The following SCHIP1 variants were observed in gnomAD, a reference collection of about 807,000 sequenced individuals.
The protein encoded by SCHIP1 is schwannomin-interacting protein 1.
A neutral mutation model predicts 29.7 loss-of-function variants in SCHIP1; 8 were observed. The observed-to-expected ratio is 0.27, with a 90% CI of 0.16 to 0.49. The LOEUF (loss-of-function observed/expected upper bound fraction) is 0.49. SCHIP1 is among the 20% of genes least tolerant of loss of function. SCHIP1 has a pLI of 0.99. For synonymous variants in SCHIP1, 76 were observed against 94.9 expected, an observed-to-expected ratio of 0.80 and a Z score of 1.16; for missense variants, 193 against 294.6, an observed-to-expected ratio of 0.66 and a Z score of 2.52.
At chr3:159,483,997 A>C in the SCHIP1 span, among the ~76,000 whole-genome samples, 1 of 152,206 alleles carries the variant, frequency 6.6e-6, no homozygotes, top group Non-Finnish European at 1.5e-5. Context: ...TCAAAAGCCT[A>C]CAATATAAAT....
the SCHIP1 span, among the ~76,000 whole-genome samples, chr3:159,397,284 G>C: frequency 6.6e-6 from 1 of 152,038 alleles, no homozygotes; most frequent in Non-Finnish European, 1.5e-5. Flanking sequence ...CTGTAGCTCA[G>C]AGTAATTTGA....
chr3:159,455,715 T>C, the SCHIP1 span, among the ~76,000 whole-genome samples: 1 of 152,212 alleles, frequency 6.6e-6, no homozygotes, highest in African/African-American at 2.4e-5. Flanking sequence ...AGAGTCTATT[T>C]TACTATCACA....
chr3:159,432,892 G>C, the SCHIP1 span, among the ~76,000 whole-genome samples: 1 of 152,256 alleles, frequency 6.6e-6, no homozygotes, highest in Admixed American at 6.5e-5. Context: ...CTTTGATGTA[G>C]TATGTTGCAG....
At chr3:159,625,031 C>A in the SCHIP1 span, among the ~76,000 whole-genome samples, 1 of 152,170 alleles carries the variant, frequency 6.6e-6, no homozygotes, top group Non-Finnish European at 1.5e-5. Context: ...TTAGAGAAAA[C>A]AAGAACATGA....
At chr3:159,654,120 C>T in the SCHIP1 span, among the ~76,000 whole-genome samples, 1 of 152,116 alleles carries the variant, frequency 6.6e-6, no homozygotes, top group African/African-American at 2.4e-5. Context: ...AAGATATTCA[C>T]ATGCAAATCG....
chr3:159,665,060 G>A, the SCHIP1 span, among the ~76,000 whole-genome samples: 14 of 152,172 alleles, frequency 9.2e-5, no homozygotes, highest in African/African-American at 3.1e-4. Flanking sequence ...TCACCGGGGG[G>A]ACTTTGAATA....
chr3:159,604,868 C>G, the SCHIP1 span, among the ~76,000 whole-genome samples: 1 of 152,204 alleles, frequency 6.6e-6, no homozygotes, highest in African/African-American at 2.4e-5. Flanking sequence ...AGACACAGCC[C>G]AAGAAACTAA....
chr3:159,778,682 T>C, the SCHIP1 span, among the ~76,000 whole-genome samples: 1 of 152,176 alleles, frequency 6.6e-6, no homozygotes. Context: ...GCATGAAATT[T>C]AAGTAAACAT....
At chr3:159,460,085 A>G in the SCHIP1 span, among the ~76,000 whole-genome samples, 1 of 152,156 alleles carries the variant, frequency 6.6e-6, no homozygotes, top group Admixed American at 6.5e-5. Flanking sequence ...AACTCTTACC[A>G]TCACCCTTTG....
the SCHIP1 span, among the ~76,000 whole-genome samples, chr3:159,626,147 GATATAT>G: frequency 1.2e-5 from 1 of 82,646 alleles, no homozygotes; most frequent in Admixed American, 1.2e-4. Context: ...GATATATCTA[GATATAT>G]ATATATATCT....
chr3:159,893,104 C>T (rs1328951013), intron 6 of SCHIP1: 1 of 152,160 alleles, frequency 6.6e-6, no homozygotes, highest in African/African-American at 2.4e-5. Flanking sequence ...CAGCACCTAC[C>T]ATAGACCTCA....
the SCHIP1 span, among the ~76,000 whole-genome samples, chr3:159,576,003 T>C: frequency 1.3e-5 from 2 of 152,194 alleles, no homozygotes; most frequent in Non-Finnish European, 2.9e-5. Context: ...CAATTTAATT[T>C]TCAGAAAGAA....
chr3:159,592,096 G>A, the SCHIP1 span, among the ~76,000 whole-genome samples: 1,065 of 151,974 alleles, frequency 7.0e-3, 11 homozygotes, highest in African/African-American at 0.024. Context: ...CACATCTGCA[G>A]CAAACACAAG....
At chr3:159,302,661 T>C in the SCHIP1 span, among the ~76,000 whole-genome samples, 2 of 152,324 alleles carry the variant, frequency 1.3e-5, no homozygotes, top group South Asian at 2.1e-4. Flanking sequence ...ACAGAAAATA[T>C]TTGTGTGTGC....
chr3:159,882,640 A>G (rs1363915565), intron 2 of SCHIP1, among the ~76,000 whole-genome samples: 1 of 152,214 alleles, frequency 6.6e-6, no homozygotes, highest in African/African-American at 2.4e-5. Context: ...TTGTCCCTGT[A>G]TTTTGAAAGA....
At chr3:159,767,666 C>A in the SCHIP1 span, among the ~76,000 whole-genome samples, 2 of 152,142 alleles carry the variant, frequency 1.3e-5, no homozygotes, top group Non-Finnish European at 2.9e-5. Context: ...AGGGCTTTTG[C>A]CCTTCTGTAA....
chr3:159,573,924 A>G, the SCHIP1 span, among the ~76,000 whole-genome samples: 1 of 152,292 alleles, frequency 6.6e-6, no homozygotes, highest in South Asian at 2.1e-4. Context: ...TTGTGCATGC[A>G]TCACAAAGTT....
the SCHIP1 span, among the ~76,000 whole-genome samples, chr3:159,832,765 T>C: frequency 1.7e-4 from 26 of 152,152 alleles, no homozygotes; most frequent in Non-Finnish European, 3.1e-4. Context: ...TATGTCTCCT[T>C]TGCATCCCCT....
chr3:159,782,878 C>T, the SCHIP1 span, among the ~76,000 whole-genome samples: 1 of 152,180 alleles, frequency 6.6e-6, no homozygotes, highest in Non-Finnish European at 1.5e-5. Context: ...GGAGCCCTTG[C>T]CACCTCAACA....
Sources: gnomAD v4.1 joint callset for allele counts (sites outside exome capture counted in the v4.1 genomes callset) on GRCh38, gnomAD v4.1.1 for gene constraint, MANE v1.5 for transcripts, NCBI Gene and HGNC (gene_info 2026-07-23, HGNC 2026-07-21) for gene names.